Variants in SKAP1 observed in about 807,000 individuals in gnomAD.
The protein encoded by SKAP1 is src kinase associated phosphoprotein 1.
A neutral mutation model predicts 58.5 loss-of-function variants in SKAP1; 44 were observed. The ratio of observed to expected loss-of-function variants is 0.75; its 90% CI spans 0.59 to 0.97. The LOEUF is 0.97. Ranked by LOEUF, SKAP1 falls within the 50% of genes least tolerant of loss-of-function variation. SKAP1 has a pLI of 0.00. For missense variants in SKAP1, 390 were observed against 435.2 expected, an observed-to-expected ratio of 0.90 and a Z score of 0.92; for synonymous variants, 127 against 149.7, an observed-to-expected ratio of 0.85 and a Z score of 1.11.
chr17:48,166,286 A>T (rs1373404926), intron 10 of SKAP1, among the ~76,000 whole-genome samples: 2 of 152,126 alleles, frequency 1.3e-5, no homozygotes, highest in Non-Finnish European at 2.9e-5. Context: ...AGAACAAGTT[A>T]AAAAAAAGTA....
In SKAP1 at chr17:48,327,246, A is replaced by G. The variant is rs556105478; in HGVS notation, c.280+18659T>C. Among the ~76,000 whole-genome samples the G allele has an allele frequency of 7.2e-5, 11 of 152,320 alleles. No individual in the cohort carries two copies. The South Asian group carries it at 2.1e-3, about 29-fold the overall frequency. On this transcript the variant is annotated intron_variant, in intron 4 of 12. Transcript: ENST00000336915. Reference sequence around the variant, plus strand: ...ATGGTCATTCAGAAGGGACACTAGGATCAACACACTAAAGAGCAACAACTG... The same window carrying G: ...ATGGTCATTCAGAAGGGACACTAGGGTCAACACACTAAAGAGCAACAACTG...
chr17:48,400,760 TA>T (rs71366870), intron 1 of SKAP1, among the ~76,000 whole-genome samples: 2 of 148,302 alleles, frequency 1.3e-5, no homozygotes, highest in Admixed American at 6.7e-5. Context: ...AAATAAAAAT[TA>T]AAAAAAAAGA....
At chr17:48,409,615 C>A (rs2067636005) in intron 1 of SKAP1, among the ~76,000 whole-genome samples, 1 of 149,956 alleles carries the variant, frequency 6.7e-6, no homozygotes. Flanking sequence ...TTGCAGTGAG[C>A]CGAGATTGTG....
intron 4 of SKAP1, among the ~76,000 whole-genome samples, chr17:48,223,064 A>AG (rs1491396681): frequency 9.1e-5 from 1 of 10,994 alleles, no homozygotes; most frequent in Admixed American, 9.6e-4. Flanking sequence ...ACTCCGTCTC[A>AG]AAAAAAAAAA....
intron 4 of SKAP1, among the ~76,000 whole-genome samples, chr17:48,276,623 G>C (rs2144014213): frequency 6.6e-6 from 1 of 152,192 alleles, no homozygotes; most frequent in African/African-American, 2.4e-5. Flanking sequence ...TTCCATACAT[G>C]GTACTTCCCT....
chr17:48,149,568 C>T (rs2063873768), intron 11 of SKAP1, among the ~76,000 whole-genome samples: 1 of 152,156 alleles, frequency 6.6e-6, no homozygotes, highest in East Asian at 1.9e-4. Context: ...CCATGACAAC[C>T]GCTTATAGCT....
At chr17:48,188,834 G>A (rs1461429135) in intron 5 of SKAP1, among the ~76,000 whole-genome samples, 1 of 152,080 alleles carries the variant, frequency 6.6e-6, no homozygotes, top group African/African-American at 2.4e-5. Context: ...TCCTGTCTCT[G>A]CTAAAAATAT....
intron 10 of SKAP1, among the ~76,000 whole-genome samples, chr17:48,162,825 T>G (rs1209297138): frequency 6.6e-6 from 1 of 152,156 alleles, no homozygotes. Context: ...ATATATTTAT[T>G]TATTAATAAA....
At chr17:48,166,769 A>C (rs768604337) in intron 10 of SKAP1, among the ~76,000 whole-genome samples, 2 of 152,218 alleles carry the variant, frequency 1.3e-5, no homozygotes, top group Non-Finnish European at 2.9e-5. Context: ...AAAAAACGCC[A>C]AAGTAGTGAC....
intron 2 of SKAP1, among the ~76,000 whole-genome samples, chr17:48,368,567 T>C (rs2067040430): frequency 6.6e-6 from 1 of 152,226 alleles, no homozygotes; most frequent in African/African-American, 2.4e-5. Context: ...TAATCTTCTC[T>C]TTGAAGCTTC....
chr17:48,351,646 T>A (rs1383941522), intron 3 of SKAP1, among the ~76,000 whole-genome samples: 1 of 152,170 alleles, frequency 6.6e-6, no homozygotes, highest in East Asian at 1.9e-4. Flanking sequence ...AACCTAAGAC[T>A]ACAGTTTTTA....
At chr17:48,265,642 A>AT (rs1256140211) in intron 4 of SKAP1, among the ~76,000 whole-genome samples, 1 of 152,204 alleles carries the variant, frequency 6.6e-6, no homozygotes, top group East Asian at 1.9e-4. Context: ...CAGTTTTCAC[A>AT]TTTTATTTTA....
At chr17:48,285,618 A>C (rs1353052448) in intron 4 of SKAP1, among the ~76,000 whole-genome samples, 1 of 151,124 alleles carries the variant, frequency 6.6e-6, no homozygotes, top group African/African-American at 2.4e-5. Flanking sequence ...CCATCTGAAA[A>C]AAAAAAAAAA....
chr17:48,362,298 G>A (rs2066947305), intron 3 of SKAP1, among the ~76,000 whole-genome samples: 1 of 152,198 alleles, frequency 6.6e-6, no homozygotes, highest in Non-Finnish European at 1.5e-5. Context: ...AGTCTCTTGT[G>A]TTAAGCTCCA....
At chr17:48,298,860 T>C (rs2066019257) in intron 4 of SKAP1, among the ~76,000 whole-genome samples, 1 of 152,200 alleles carries the variant, frequency 6.6e-6, no homozygotes, top group Non-Finnish European at 1.5e-5. Context: ...AGAAGACAAA[T>C]AGTGTAAACT....
At position 48,279,827 on chromosome 17, in the gene SKAP1, C is replaced by T. The variant is rs114479413; in HGVS notation, c.280+66078G>A. The stretch of plus-strand genomic sequence containing the variant: ...CTCTGTTCTTGGGTCTTTCTCTCTT[C>T]GTAGCCTGGGCCAGCTTCCATTTTC... On this transcript the variant is annotated intron_variant, in intron 4 of 12. Transcript: ENST00000336915. Among the ~76,000 whole-genome samples the T allele has an allele frequency of 3.2e-3, 492 of 152,260 alleles. 3 individuals carry two copies. The highest frequency in any genetic ancestry group is 0.011 in the African/African-American group (463 of 41,538).
chr17:48,158,303 T>C (rs1233407871), intron 11 of SKAP1, among the ~76,000 whole-genome samples: 1 of 151,574 alleles, frequency 6.6e-6, no homozygotes, highest in African/African-American at 2.4e-5. Context: ...TCCTAACACT[T>C]TGGGAGGCCG....
chr17:48,159,911 A>C (rs2064043472), intron 11 of SKAP1, among the ~76,000 whole-genome samples: 1 of 152,172 alleles, frequency 6.6e-6, no homozygotes, highest in East Asian at 1.9e-4. Context: ...CTGAGCTCTT[A>C]ACTTCTCATT....
At chr17:48,405,421 C>CTTTCTTTCTT (rs2067561864) in intron 1 of SKAP1, among the ~76,000 whole-genome samples, 1 of 82,270 alleles carries the variant, frequency 1.2e-5, no homozygotes, top group South Asian at 3.8e-4. Context: ...TTCTTTCTTT[C>CTTTCTTTCTT]TTTCTTTCTT....
Sources: allele counts gnomAD v4.1 joint callset (sites outside exome capture counted in the v4.1 genomes callset), GRCh38; gene constraint gnomAD v4.1.1; transcripts MANE v1.5; gene names NCBI Gene and HGNC (gene_info 2026-07-23, HGNC 2026-07-21).